Variants in IGF2BP1 observed in about 807,000 individuals in gnomAD.
IGF2BP1 encodes the protein insulin like growth factor 2 mRNA binding protein 1, also known as insulin-like growth factor 2 mRNA-binding protein 1.
IGF2BP1 carries 11 observed loss-of-function variants against 74.9 expected under a neutral mutation model. The ratio of observed to expected loss-of-function variants is 0.15; its 90% confidence interval spans 0.09 to 0.24. IGF2BP1 has a LOEUF of 0.24. Ranked by LOEUF, IGF2BP1 falls within the 10% of genes least tolerant of loss-of-function variation. The pLI is 1.00. For synonymous variants in IGF2BP1, 287 were observed against 281.8 expected, an observed-to-expected ratio of 1.02 and a Z score of -0.18; for missense variants, 440 against 757.4, an observed-to-expected ratio of 0.58 and a Z score of 4.92.
rs1269678423 is a variant in IGF2BP1 at position 49,051,965 on chromosome 17, G to A, written c.*2521G>A. Reference sequence around the variant, plus strand: ...CTGTCTCCCTGTCTTCTTTAGATCGGTCTGATTGATTTTAAAAGTGGACCC... The same window carrying A: ...CTGTCTCCCTGTCTTCTTTAGATCGATCTGATTGATTTTAAAAGTGGACCC... On this transcript the variant is annotated 3_prime_UTR_variant, in exon 15 of 15. Coordinates refer to ENST00000290341, the MANE Select transcript of IGF2BP1 (RefSeq NM_006546.4). The A allele has an allele frequency of 6.6e-6, 1 of 152,030 alleles. No individual in the cohort carries two copies. Among genetic ancestry groups the A allele is most frequent in the Non-Finnish European group, 1.5e-5 (1 of 68,016 alleles). 9.4% of individuals were successfully genotyped at this position (152,030 alleles called of 1,614,324 possible). A position where few individuals can be genotyped will look rare whatever the true frequency, so the allele number is the denominator to read the frequency against.
In IGF2BP1 at chr17:49,053,280, A is replaced by T. The variant is rs530448399; in HGVS notation, c.*3836A>T. ...TTCTGTGTCCATTTTCCTCTGTGCC[A>T]AAGACAGACAGACAGAGGCTGAGAG... On this transcript the variant is annotated 3_prime_UTR_variant, in exon 15 of 15. Coordinates refer to ENST00000290341, the MANE Select transcript of IGF2BP1 (RefSeq NM_006546.4). 4 of 152,814 alleles carry T rather than the reference A, an allele frequency of 2.6e-5. No individual in the cohort carries two copies. The highest frequency in any genetic ancestry group is 6.5e-5 in the Admixed American group (1 of 15,292). The allele number at this position is 152,814 out of a possible 1,614,324, so 9.5% of individuals were successfully genotyped here.
At chr17:48,998,237 C>T (rs936666951) in intron 1 of IGF2BP1, among the ~76,000 whole-genome samples, 2 of 152,158 alleles carry the variant, frequency 1.3e-5, no homozygotes, top group African/African-American at 4.8e-5. Context: ...TTTAGGGACA[C>T]GGGGATGACC....
chr17:49,044,081 A>G lies in IGF2BP1; in HGVS notation c.1315A>G (p.Ile439Val). 6.2e-7 allele frequency: 1 copy of G among 1,614,066 alleles called. No homozygotes were observed. The highest frequency in any genetic ancestry group is 2.2e-5 in the East Asian group (1 of 44,870). Residue 439 changes from isoleucine to valine, a missense_variant, in exon 11 of 15, where the codon ATC (isoleucine) becomes GTC (valine). This residue lies in a region of IGF2BP1 where 117 missense variants were observed against 237.2 expected (regional missense o/e 0.49). Coordinates refer to ENST00000290341, the MANE Select transcript of IGF2BP1 (RefSeq NM_006546.4). ...GCTCTCCCGGTTTGCCAGCGCCTCC[A>G]TCAAGGTGATCTGCTCTGTGGGTCT... ...KQLSRFASAS[I>V]KIAPPETPDS...
At chr17:49,020,200 C>T (rs1165082776) in intron 2 of IGF2BP1, among the ~76,000 whole-genome samples, 3 of 151,606 alleles carry the variant, frequency 2.0e-5, no homozygotes, top group South Asian at 2.1e-4. Flanking sequence ...TGCTCCATTA[C>T]GCCCAGCTAA....
intron 2 of IGF2BP1, among the ~76,000 whole-genome samples, chr17:49,006,447 A>G (rs1334719381): frequency 6.6e-6 from 1 of 152,242 alleles, no homozygotes; most frequent in East Asian, 1.9e-4. Context: ...GTAACTGTAA[A>G]GAAGTGGTCC....
intron 5 of IGF2BP1, among the ~76,000 whole-genome samples, chr17:49,034,592 T>C (rs2041962635): frequency 2.0e-5 from 3 of 151,576 alleles, no homozygotes; most frequent in Admixed American, 6.6e-5. Flanking sequence ...TTACAAAATA[T>C]TAGCTGGGCA....
intron 2 of IGF2BP1, among the ~76,000 whole-genome samples, chr17:49,003,786 GGAGGGAGA>G (rs2041512505): frequency 7.6e-6 from 1 of 132,264 alleles, no homozygotes; most frequent in Admixed American, 7.7e-5. Flanking sequence ...CGGGGAGGGG[GGAGGGAGA>G]GAGGGAGGGA....
At position 49,049,463 on chromosome 17, in the gene IGF2BP1, T is replaced by G. The variant is rs974104483; in HGVS notation, c.*19T>G. 18 of 1,605,320 alleles carry G rather than the reference T, an allele frequency of 1.1e-5. No homozygotes were observed. Among genetic ancestry groups the G allele is most frequent in the South Asian group, 2.2e-5 (2 of 90,752 alleles). ...GAAGTGACCAGCCCCTCCCTGTCCC[T>G]TCGAGTCCAGGACAACAACGGGCAG... is the stretch of plus-strand genomic sequence containing the variant. On this transcript the variant is annotated 3_prime_UTR_variant, in exon 15 of 15. Transcript: ENST00000290341.
Position 49,042,471 on chromosome 17 carries a change from G to T in IGF2BP1, c.1077+94G>T. Reference sequence around the variant, plus strand: ...GGGTGATGGACATGTGCCCTGTGCCGTGTGGCCTTGGAGCTTTAGTTGATG... The same window carrying T: ...GGGTGATGGACATGTGCCCTGTGCCTTGTGGCCTTGGAGCTTTAGTTGATG... On this transcript the variant is annotated intron_variant, in intron 9 of 14. Coordinates refer to ENST00000290341, the MANE Select transcript of IGF2BP1 (RefSeq NM_006546.4). 6 of 1,364,416 alleles carry T rather than the reference G, an allele frequency of 4.4e-6. No individual in the cohort carries two copies. In the Admixed American group the frequency reaches 8.4e-5, roughly 19 times the overall value. 84.5% of individuals were successfully genotyped at this position (1,364,416 alleles called of 1,614,324 possible).
At chr17:48,999,643 C>T (rs991189135) in intron 2 of IGF2BP1, among the ~76,000 whole-genome samples, 4 of 151,998 alleles carry the variant, frequency 2.6e-5, no homozygotes, top group Non-Finnish European at 5.9e-5. Flanking sequence ...TTCCCGGCCC[C>T]CAAAGAATCC....
intron 5 of IGF2BP1, among the ~76,000 whole-genome samples, chr17:49,033,263 C>A (rs2144089689): frequency 6.6e-6 from 1 of 152,328 alleles, no homozygotes; most frequent in South Asian, 2.1e-4. Context: ...ATTCTTGTGC[C>A]TCAGCCTCCT....
In IGF2BP1 at chr17:49,044,155, TC is replaced by T. The variant is rs1456764910; in HGVS notation, c.1320+70del. ...TCTCTGCTTTTATCACTCTGCACTTTCTCCCATATTCCCCCTACTCATTTGA... is the reference window on the plus strand; with the variant it reads ...TCTCTGCTTTTATCACTCTGCACTTTTCCCATATTCCCCCTACTCATTTGA... On this transcript the variant is annotated intron_variant, in intron 11 of 14. Coordinates refer to ENST00000290341, the MANE Select transcript of IGF2BP1 (RefSeq NM_006546.4). 1.9e-6 allele frequency: 3 copies of T among 1,561,050 alleles called. No homozygotes were observed. The African/African-American group carries it at 4.1e-5, about 21-fold the overall frequency.
At position 49,025,605 on chromosome 17, in the gene IGF2BP1, C is replaced by G; in HGVS notation, c.237-13C>G. The G allele has an allele frequency of 6.2e-7, 1 of 1,611,894 alleles. No homozygotes were observed. The highest frequency in any genetic ancestry group is 8.5e-7 in the Non-Finnish European group (1 of 1,179,134). On this transcript the variant is annotated splice_polypyrimidine_tract_variant and intron_variant, in intron 2 of 14. Coordinates refer to ENST00000290341, the MANE Select transcript of IGF2BP1 (RefSeq NM_006546.4). ...CAGAGCTTTCTTTAACTCTGCTCCC[C>G]CTTTACTTTCAGGAGCCGGAAAATT... is the stretch of plus-strand genomic sequence containing the variant.
intron 2 of IGF2BP1, among the ~76,000 whole-genome samples, chr17:48,999,771 C>G (rs1040320288): frequency 2.6e-5 from 4 of 151,894 alleles, no homozygotes; most frequent in Middle Eastern, 3.2e-3. Context: ...CTGGATTTTC[C>G]AAAGAATATG....
chr17:49,046,713 G>A (rs530044217), intron 14 of IGF2BP1, among the ~76,000 whole-genome samples: 1 of 151,194 alleles, frequency 6.6e-6, no homozygotes, highest in Admixed American at 6.6e-5. Context: ...ACCCCTTTCT[G>A]CACTGGTTAA....
At chr17:49,023,282 CA>C (rs1567817420) in intron 2 of IGF2BP1, among the ~76,000 whole-genome samples, 1 of 152,206 alleles carries the variant, frequency 6.6e-6, no homozygotes, top group African/African-American at 2.4e-5. Context: ...AGTTCATGAA[CA>C]AACCAAAGAA....
At chr17:49,033,910 C>T (rs2041952421) in intron 5 of IGF2BP1, among the ~76,000 whole-genome samples, 1 of 151,870 alleles carries the variant, frequency 6.6e-6, no homozygotes, top group Non-Finnish European at 1.5e-5. Context: ...GCTTTAACTT[C>T]CTGGGCTGAG....
chr17:49,045,108 G>A, intron 12 of IGF2BP1, 43 bp downstream of exon 12: 1 of 1,559,810 alleles, frequency 6.4e-7, no homozygotes, highest in Non-Finnish European at 8.8e-7. Flanking sequence ...TGGAGGAATT[G>A]AGGTTGGGTA....
At chr17:49,015,059 C>CA in intron 2 of IGF2BP1, 1 of 443,754 alleles carries the variant, frequency 2.3e-6, no homozygotes, top group Non-Finnish European at 3.0e-6. Context: ...GGCTGGAGTG[C>CA]AGTGGCGTGA....
Sources: gnomAD v4.1 joint callset for allele counts (sites outside exome capture counted in the v4.1 genomes callset) on GRCh38, gnomAD v4.1.1 for gene constraint, gnomAD v4.1.1 regional missense constraint, MANE v1.5 for transcripts, NCBI Gene and HGNC (gene_info 2026-07-23, HGNC 2026-07-21) for gene names.